Variants in GLDC observed in about 807,000 individuals in gnomAD.
GLDC encodes glycine decarboxylase.
Under a neutral mutation model 121.3 loss-of-function variants are expected in GLDC, and 104 were observed. The observed-to-expected ratio is 0.86, with a 90% CI of 0.73 to 1.01. The LOEUF is 1.01. Among genes scored for constraint, GLDC ranks in the 50% least tolerant of loss-of-function variants. The pLI, the probability that GLDC is intolerant of heterozygous loss-of-function variation, is 0.00. For missense variants in GLDC, 1,429 were observed against 1,306.6 expected (o/e 1.09, Z -1.44); for synonymous variants, 546 against 480.6 (o/e 1.14, Z -1.78).
In GLDC at chr9:6,644,705, C is replaced by T. The variant is rs761893594; in HGVS notation, c.256-13G>A. The T allele has an allele frequency of 1.9e-6, 3 of 1,598,934 alleles. No homozygotes were observed. The highest frequency in any genetic ancestry group is 3.3e-5 in the Admixed American group (2 of 60,006). On this transcript the variant is annotated splice_polypyrimidine_tract_variant and intron_variant, in intron 1 of 24. Transcript: ENST00000321612. ...ATTCATCAATGCTCTAAAATTAAAA[C>T]GCAAGGCAGAGGAAAGTGCCTCTGA... is the stretch of plus-strand genomic sequence containing the variant.
intron 21 of GLDC, chr9:6,541,343 C>G (rs1817253591): frequency 6.6e-6 from 1 of 152,166 alleles, no homozygotes; most frequent in Non-Finnish European, 1.5e-5. Context: ...AGGAAAGTAT[C>G]TACTCATGAG....
At chr9:6,552,734 G>A (rs540698209) in intron 20 of GLDC, among the ~76,000 whole-genome samples, 30 of 152,210 alleles carry the variant, frequency 2.0e-4, no homozygotes, top group African/African-American at 6.3e-4. Flanking sequence ...CAGTCCAGGA[G>A]GTGGGCAGGG....
At chr9:6,550,430 C>T (rs867133398) in intron 21 of GLDC, among the ~76,000 whole-genome samples, 1 of 152,078 alleles carries the variant, frequency 6.6e-6, no homozygotes, top group Non-Finnish European at 1.5e-5. Context: ...AGTTCGAGAC[C>T]AGCCTGGCCA....
At chr9:6,615,445 T>G (rs1387893078) in intron 3 of GLDC, among the ~76,000 whole-genome samples, 1 of 151,188 alleles carries the variant, frequency 6.6e-6, no homozygotes, top group African/African-American at 2.4e-5. Context: ...AAAATTAGCC[T>G]GGCGAGGGGC....
intron 15 of GLDC, chr9:6,567,571 T>C (rs1445053830): frequency 1.3e-5 from 2 of 152,220 alleles, no homozygotes; most frequent in African/African-American, 4.8e-5. Context: ...TCCAGCTCTG[T>C]CACTTCCTCA....
chr9:6,547,148 T>C (rs1817411157), intron 21 of GLDC, among the ~76,000 whole-genome samples: 1 of 152,118 alleles, frequency 6.6e-6, no homozygotes, highest in Admixed American at 6.5e-5. Context: ...ACCCGGCTGC[T>C]ACTAAATAAA....
In GLDC at chr9:6,589,270, C is replaced by A. The variant is rs368393226; in HGVS notation, c.1505G>T (p.Gly502Val). ...SSAELVAESM[G>V]EECRGIPGSV... ...CCCTGGAATACCTCTGCACTCCTCTCCCATGCTTTCAGCAACCAGTTCCTG... is the reference window on the plus strand; with the variant it reads ...CCCTGGAATACCTCTGCACTCCTCTACCATGCTTTCAGCAACCAGTTCCTG... The change falls in exon 12 of 25, where the codon GGA (glycine) becomes GTA (valine). Residue 502 changes from glycine (G) to valine (V), a missense_variant. Coordinates refer to ENST00000321612, the MANE Select transcript of GLDC (RefSeq NM_000170.3). 2 of 1,608,158 alleles carry A rather than the reference C, an allele frequency of 1.2e-6. No homozygotes were observed. Among genetic ancestry groups the A allele is most frequent in the Admixed American group, 3.3e-5 (2 of 59,994 alleles).
At chr9:6,597,644 A>G (rs1026502015) in intron 8 of GLDC, among the ~76,000 whole-genome samples, 9 of 152,212 alleles carry the variant, frequency 5.9e-5, no homozygotes, top group Admixed American at 1.3e-4. Context: ...CTAAGAAATA[A>G]GAGAATATAT....
At chr9:6,624,882 G>A (rs1019128785) in intron 2 of GLDC, among the ~76,000 whole-genome samples, 8 of 152,044 alleles carry the variant, frequency 5.3e-5, no homozygotes, top group African/African-American at 1.9e-4. Flanking sequence ...CAGCTACTTG[G>A]GAGGCTGACA....
At chr9:6,562,719 C>T (rs995191123) in intron 16 of GLDC, among the ~76,000 whole-genome samples, 1 of 152,116 alleles carries the variant, frequency 6.6e-6, no homozygotes, top group Non-Finnish European at 1.5e-5. Context: ...CACCACCATG[C>T]CTGGCTAATT....
intron 8 of GLDC, among the ~76,000 whole-genome samples, chr9:6,599,802 C>T (rs1485693317): frequency 1.3e-5 from 2 of 151,824 alleles, no homozygotes; most frequent in African/African-American, 4.8e-5. Flanking sequence ...CCTGTGCCAA[C>T]CACCTTTCCT....
chr9:6,551,431 T>C (rs937610326), intron 20 of GLDC, among the ~76,000 whole-genome samples: 1 of 152,178 alleles, frequency 6.6e-6, no homozygotes, highest in African/African-American at 2.4e-5. Flanking sequence ...TCATAAGGGA[T>C]ACACATCATC....
At chr9:6,551,914 G>A (rs1817523400) in intron 20 of GLDC, among the ~76,000 whole-genome samples, 1 of 152,162 alleles carries the variant, frequency 6.6e-6, no homozygotes, top group South Asian at 2.1e-4. Context: ...TGTCTCATGG[G>A]GGGATTTTTT....
In GLDC at chr9:6,532,672, C is replaced by CA. The variant is rs1433390308; in HGVS notation, c.*344dup. 6 of 311,174 alleles carry CA rather than the reference C, an allele frequency of 1.9e-5. No homozygotes were observed. The highest frequency in any genetic ancestry group is 4.3e-5 in the African/African-American group (2 of 46,700). The allele number at this position is 311,174 out of a possible 1,614,324, so 19.3% of individuals were successfully genotyped here. ...ACAGTCCACATGGACTCTTTTGGAACAAAAAAATGTCTATTAAGTCTCCAG... is the reference window on the plus strand; with the variant it reads ...ACAGTCCACATGGACTCTTTTGGAACAAAAAAAATGTCTATTAAGTCTCCAG... On this transcript the variant is annotated 3_prime_UTR_variant, in exon 25 of 25. Coordinates refer to ENST00000321612, the MANE Select transcript of GLDC (RefSeq NM_000170.3).
At chr9:6,562,111 C>T (rs1817770650) in intron 16 of GLDC, among the ~76,000 whole-genome samples, 1 of 152,130 alleles carries the variant, frequency 6.6e-6, no homozygotes, top group African/African-American at 2.4e-5. Flanking sequence ...TGGAGGTCTG[C>T]TGAGTAAGTC....
chr9:6,582,082 G>T (rs547668595), intron 15 of GLDC, among the ~76,000 whole-genome samples: 4 of 151,910 alleles, frequency 2.6e-5, no homozygotes, highest in African/African-American at 7.2e-5. Flanking sequence ...AGGTGTGGTA[G>T]CGGGCACCTG....
intron 21 of GLDC, among the ~76,000 whole-genome samples, chr9:6,549,912 G>A (rs758495490): frequency 6.6e-6 from 1 of 152,092 alleles, no homozygotes; most frequent in Non-Finnish European, 1.5e-5. Context: ...AATGGCTATT[G>A]TCCAGCTCAA....
intron 4 of GLDC, among the ~76,000 whole-genome samples, chr9:6,609,384 C>T (rs974046758): frequency 6.6e-6 from 1 of 152,072 alleles, no homozygotes; most frequent in Non-Finnish European, 1.5e-5. Context: ...CATGTAAGTG[C>T]CATGGAGATA....
At position 6,582,828 on chromosome 9, in the gene GLDC, C is replaced by CA. The variant is rs753266751; in HGVS notation, c.1850+4312dup. On this transcript the variant is annotated intron_variant, in intron 15 of 24. Transcript: ENST00000321612. ...TGGGCGACAGAGCGAGACCTCGTCT[C>CA]AAAAAAAAAAAAAAAGAACTGCTAT... Among the ~76,000 whole-genome samples, 394 of 92,308 alleles carry CA rather than the reference C, an allele frequency of 4.3e-3. 3 individuals carry two copies. Among genetic ancestry groups the CA allele is most frequent in the Middle Eastern group, 0.013 (2 of 152 alleles). The allele number at this position is 92,308 out of a possible 152,430, so 60.6% of individuals were successfully genotyped here.
Sources: gnomAD v4.1 joint callset for allele counts (sites outside exome capture counted in the v4.1 genomes callset) on GRCh38, gnomAD v4.1.1 for gene constraint, MANE v1.5 for transcripts, NCBI Gene and HGNC (gene_info 2026-07-23, HGNC 2026-07-21) for gene names.